SYNJ1: variants seen among roughly 807,000 people sequenced by gnomAD.
SYNJ1 encodes the protein synaptojanin 1.
A neutral mutation model predicts 168.2 loss-of-function variants in SYNJ1; 78 were observed. The ratio of observed to expected loss-of-function variants is 0.46; its 90% CI spans 0.39 to 0.56. The LOEUF (loss-of-function observed/expected upper bound fraction) is 0.56. SYNJ1 is among the 20% of genes least tolerant of loss of function. The pLI, the probability that SYNJ1 is intolerant of heterozygous loss-of-function variation, is 0.00. For synonymous variants in SYNJ1, 539 were observed against 548.6 expected (o/e 0.98, Z 0.24); for missense variants, 1,303 against 1,597.6 (o/e 0.82, Z 3.14).
intron 3 of SYNJ1, 79 bp downstream of exon 3, chr21:32,701,882 T>C (rs768301547): frequency 4.8e-6 from 5 of 1,044,600 alleles, no homozygotes; most frequent in African/African-American, 3.2e-5. Context: ...CAATAATTCA[T>C]AGCTAGTCCC....
intron 32 of SYNJ1, 64 bp downstream of exon 32, chr21:32,634,792 CAGAGA>C: frequency 6.5e-7 from 1 of 1,527,658 alleles, no homozygotes; most frequent in Non-Finnish European, 9.0e-7. Context: ...ATGTATGAAG[CAGAGA>C]TTCATACATC....
Position 32,631,736 on chromosome 21 carries a change from A to G in SYNJ1, c.*69T>C. On this transcript the variant is annotated 3_prime_UTR_variant, in exon 33 of 33. Transcript: ENST00000674351. ...ATACAGCAAGCAGATTAAATGACAG[A>G]TCTTCAAATGGGTCAATCTTTAATG... The G allele has an allele frequency of 6.2e-7, 1 of 1,614,208 alleles. No homozygotes were observed. Among genetic ancestry groups the G allele is most frequent in the Non-Finnish European group, 8.5e-7 (1 of 1,180,034 alleles).
chr21:32,688,457 G>A (rs1439015205), intron 6 of SYNJ1, 90 bp from the exon 7 acceptor site: 4 of 1,053,068 alleles, frequency 3.8e-6, no homozygotes, highest in African/African-American at 1.6e-5. Flanking sequence ...CAATTTCTTT[G>A]CTGAACACAC....
chr21:32,657,246 TG>T lies in SYNJ1; in HGVS notation c.2462-127del, dbSNP rs2040495250. On this transcript the variant is annotated intron_variant, in intron 19 of 32. Coordinates refer to ENST00000674351, the MANE Select transcript of SYNJ1 (RefSeq NM_203446.3). ...TTGAGGCTGGAATGCCAGAAACACT[TG>T]GTAATAGGCAGGCAGTCTAAATACC... The T allele has an allele frequency of 7.6e-6, 5 of 661,518 alleles. No individual in the cohort carries two copies. In the South Asian group the frequency reaches 9.6e-5, roughly 13 times the overall value. 41.0% of individuals were successfully genotyped at this position (661,518 alleles called of 1,614,324 possible).
chr21:32,656,664 C>T (rs1353352787), intron 21 of SYNJ1, 23 bp downstream of exon 21: 1 of 1,584,372 alleles, frequency 6.3e-7, no homozygotes, highest in East Asian at 2.2e-5. Flanking sequence ...TCACAAGCTA[C>T]TTTTGCATAA....
intron 4 of SYNJ1, among the ~76,000 whole-genome samples, chr21:32,695,686 G>A (rs1244551290): frequency 2.0e-5 from 3 of 149,336 alleles, no homozygotes; most frequent in Non-Finnish European, 4.4e-5. Flanking sequence ...TTTTTGAGAT[G>A]GAGTCTCGGA....
At chr21:32,723,068 G>A (rs2043307384) in intron 2 of SYNJ1, among the ~76,000 whole-genome samples, 1 of 152,218 alleles carries the variant, frequency 6.6e-6, no homozygotes. Flanking sequence ...ATTTGTAAAA[G>A]CTGCCCAGGT....
In SYNJ1 at chr21:32,666,479, C is replaced by G; in HGVS notation, c.1906G>C (p.Val636Leu). Residue 636 changes from valine (V) to leucine (L), a missense_variant, in exon 16 of 33, where the codon GTC becomes CTC. By Grantham distance (32) the Val-to-Leu change is conservative. This residue lies in a region of SYNJ1 where 920 missense variants were observed against 1,208.8 expected (regional missense o/e 0.76). Coordinates refer to ENST00000674351, the MANE Select transcript of SYNJ1 (RefSeq NM_203446.3). ...VLLASEQLVG[V>L]CLFVFIRPQH... is the part of the protein sequence containing the mutation. ...GGTCTGATAAAAACAAACAAACAGA[C>G]GCCCACCAACTGTTCAGAAGCCAGC... 6.2e-7 allele frequency: 1 copy of G among 1,614,054 alleles called. No individual in the cohort carries two copies. The highest frequency in any genetic ancestry group is 8.5e-7 in the Non-Finnish European group (1 of 1,179,952).
intron 7 of SYNJ1, 138 bp from the exon 8 acceptor site, chr21:32,687,212 G>T: frequency 2.0e-6 from 1 of 505,602 alleles, no homozygotes; most frequent in African/African-American, 2.0e-5. Context: ...CGAATTCATT[G>T]TACATGGTCT....
chr21:32,656,056 T>G (rs962224458), intron 21 of SYNJ1, among the ~76,000 whole-genome samples: 12 of 152,248 alleles, frequency 7.9e-5, no homozygotes, highest in Admixed American at 1.3e-4. Flanking sequence ...TATAGGGTTT[T>G]GTTACATGTT....
chr21:32,713,713 C>T (rs868458294), intron 2 of SYNJ1, among the ~76,000 whole-genome samples: 2 of 151,384 alleles, frequency 1.3e-5, no homozygotes, highest in Non-Finnish European at 2.9e-5. Context: ...CATATATCAA[C>T]ATGGATGATT....
At position 32,666,594 on chromosome 21, in the gene SYNJ1, G is replaced by C. The variant is rs753486086; in HGVS notation, c.1812-21C>G. The C allele has an allele frequency of 7.5e-6, 12 of 1,597,194 alleles. No individual in the cohort carries two copies. The East Asian group carries it at 2.7e-4, about 36-fold the overall frequency. On this transcript the variant is annotated intron_variant, in intron 15 of 32. Coordinates refer to ENST00000674351, the MANE Select transcript of SYNJ1 (RefSeq NM_203446.3). ...TTGTGCTACAAGAAAATATTAAAAA[G>C]AGAATTTTTTAAAAAGGTATTGACA...
chr21:32,665,167 C>A, intron 17 of SYNJ1, 96 bp from the exon 18 acceptor site: 1 of 1,273,288 alleles, frequency 7.9e-7, no homozygotes, highest in South Asian at 1.6e-5. Flanking sequence ...TGTCTCCTCC[C>A]ATGTCCTGTT....
chr21:32,728,033 T>C (rs2043559113), upstream of SYNJ1: 1 of 1,533,126 alleles, frequency 6.5e-7, no homozygotes, highest in African/African-American at 1.4e-5. Flanking sequence ...GGCCCATCTC[T>C]TCCGCATTGC....
At chr21:32,661,541 A>G (rs914576083) in intron 18 of SYNJ1, among the ~76,000 whole-genome samples, 11 of 152,198 alleles carry the variant, frequency 7.2e-5, no homozygotes, top group East Asian at 5.8e-4. Flanking sequence ...ATTGGCTCAC[A>G]TAACGGGCCG....
In SYNJ1 at chr21:32,695,300, A is replaced by C. The variant is rs1242153000; in HGVS notation, c.480-18T>G. On this transcript the variant is annotated intron_variant, in intron 4 of 32. Coordinates refer to ENST00000674351, the MANE Select transcript of SYNJ1 (RefSeq NM_203446.3). ...ACTGATTCCTAATAGGAAAAGAAAT[A>C]AATGATTAGCTTATGGAATACTAAG... The C allele has an allele frequency of 1.2e-5, 19 of 1,609,534 alleles. No homozygotes were observed. Among genetic ancestry groups the C allele is most frequent in the Admixed American group, 1.7e-5 (1 of 59,798 alleles).
intron 21 of SYNJ1, chr21:32,654,005 AG>A (rs2040370086): frequency 6.6e-6 from 1 of 152,210 alleles, no homozygotes; most frequent in Non-Finnish European, 1.5e-5. Flanking sequence ...AAAAATAAAA[AG>A]GACAGAAGAA....
At chr21:32,716,920 T>C (rs942211899) in intron 2 of SYNJ1, among the ~76,000 whole-genome samples, 2 of 152,174 alleles carry the variant, frequency 1.3e-5, no homozygotes, top group South Asian at 2.1e-4. Flanking sequence ...ATGTCTAATA[T>C]AGTAATCCCT....
chr21:32,700,422 A>AG lies in SYNJ1; in HGVS notation c.212-318dup, dbSNP rs1401409788. ...GTAATCCCAGCACTTTGGGAGGCTG[A>AG]GGCAGGTGGATCACCTGAGGCCGGG... On this transcript the variant is annotated intron_variant, in intron 3 of 32. Transcript: ENST00000674351. Among the ~76,000 whole-genome samples, 3 of 152,328 alleles carry AG rather than the reference A, an allele frequency of 2.0e-5. No homozygotes were observed. The East Asian group carries it at 5.8e-4, about 29-fold the overall frequency.
Sources: gnomAD v4.1 joint callset for allele counts (sites outside exome capture counted in the v4.1 genomes callset) on GRCh38, gnomAD v4.1.1 for gene constraint, gnomAD v4.1.1 regional missense constraint, MANE v1.5 for transcripts, NCBI Gene and HGNC (gene_info 2026-07-23, HGNC 2026-07-21) for gene names.